Variants in ANKRD36C observed in about 807,000 individuals in gnomAD.
ANKRD36C encodes the protein ankyrin repeat domain-containing protein 36C.
Under a neutral mutation model 276.4 loss-of-function variants are expected in ANKRD36C, and 61 were observed. That is an observed-to-expected ratio of 0.22 (90% CI 0.18 to 0.27). ANKRD36C has a LOEUF of 0.27. ANKRD36C is among the 10% of genes least tolerant of loss of function. The pLI, the probability that ANKRD36C is intolerant of heterozygous loss-of-function variation, is 1.00. For missense variants in ANKRD36C, 1,447 were observed against 2,032.3 expected (o/e 0.71, Z 5.54); for synonymous variants, 483 against 680.1 (o/e 0.71, Z 4.51).
At position 95,929,055 on chromosome 2, in the gene ANKRD36C, G is replaced by A. The variant is rs548621229; in HGVS notation, c.1837+17C>T. ...ATCTTGATTGAACATGACATTAGAA[G>A]TGTTTTGCAAAATTACCTGTCCCAG... On this transcript the variant is annotated intron_variant, in intron 26 of 66. Coordinates refer to ENST00000456556, the Ensembl canonical transcript of ANKRD36C. The A allele has an allele frequency of 1.0e-3, 1,615 of 1,601,918 alleles. 37 individuals carry two copies. The South Asian group carries it at 0.017, about 16-fold the overall frequency.
intron 10 of ANKRD36C, among the ~76,000 whole-genome samples, 184 bp from the exon 11 acceptor site, chr2:95,958,969 T>G (rs1678393606): frequency 6.6e-6 from 1 of 152,278 alleles, no homozygotes; most frequent in Non-Finnish European, 1.5e-5. Context: ...AGAAGTATAG[T>G]CTTCACGCAA....
intron 42 of ANKRD36C, among the ~76,000 whole-genome samples, chr2:95,911,326 T>C (rs1364523960): frequency 6.6e-6 from 1 of 151,490 alleles, no homozygotes; most frequent in East Asian, 2.0e-4. Flanking sequence ...TAGATATTAA[T>C]AAGTTTTACA....
chr2:95,897,190 C>G, intron 44 of ANKRD36C, 80 bp downstream of exon 60: 1 of 1,148,898 alleles, frequency 8.7e-7, no homozygotes, highest in Non-Finnish European at 1.2e-6. Context: ...CTTCAACGAG[C>G]CCCCCGCTGA....
intron 61 of ANKRD36C, 74 bp from the exon 82 acceptor site, chr2:95,857,566 C>G: frequency 6.9e-7 from 1 of 1,455,808 alleles, no homozygotes; most frequent in Non-Finnish European, 9.2e-7. Context: ...TACCCAAATT[C>G]CTACCTAAGG....
chr2:95,880,980 G>A (rs1676065690), intron 56 of ANKRD36C, among the ~76,000 whole-genome samples: 1 of 152,202 alleles, frequency 6.6e-6, no homozygotes, highest in African/African-American at 2.4e-5. Context: ...GGTGCTAACT[G>A]CGACTGCATG....
chr2:95,983,430 A>G (rs1395931973), intron 3 of ANKRD36C, among the ~76,000 whole-genome samples: 2 of 151,514 alleles, frequency 1.3e-5, no homozygotes, highest in Non-Finnish European at 2.9e-5. Context: ...AAATTTATTT[A>G]TATTCTAGTT....
rs1199354038 is a variant in ANKRD36C, at chr2:95,913,167, G to C, written c.2552-732C>G. On this transcript the variant is annotated intron_variant, in intron 40 of 66. Coordinates refer to ENST00000456556, the Ensembl canonical transcript of ANKRD36C. ...CAACTTTGACATGCTTCTACAAAGT[G>C]AAATGGCTACAAGCATTAGATATTA... is the stretch of plus-strand genomic sequence containing the variant. 5.2e-3 allele frequency among the ~76,000 whole-genome samples: 774 copies of C among 149,458 alleles called. 8 individuals carry two copies. The highest frequency in any genetic ancestry group is 0.016 in the African/African-American group (670 of 40,700).
intron 66 of ANKRD36C, among the ~76,000 whole-genome samples, chr2:95,851,435 C>A (rs556892395): frequency 6.6e-6 from 1 of 152,214 alleles, no homozygotes; most frequent in South Asian, 2.1e-4. Context: ...AACTTTCTTA[C>A]CTGCAAAAAA....
chr2:95,919,501 T>C lies in ANKRD36C; in HGVS notation c.2246-1459A>G, dbSNP rs1277384135. On this transcript the variant is annotated intron_variant, in intron 34 of 66. Coordinates refer to ENST00000456556, the Ensembl canonical transcript of ANKRD36C. ...CTTGAACTGCTCTCCCTATTTCTTC[T>C]TCCCAATTTCAATGTGGGAAAGTGT... Among the ~76,000 whole-genome samples the C allele has an allele frequency of 1.5e-5, 2 of 132,978 alleles. 1 individual carries two copies. The highest frequency in any genetic ancestry group is 3.3e-5 in the Non-Finnish European group (2 of 59,716). The allele number at this position is 132,978 out of a possible 152,430, so 87.2% of individuals were successfully genotyped here. A position where few individuals can be genotyped will look rare whatever the true frequency, so the allele number is the denominator to read the frequency against.
intron 60 of ANKRD36C, among the ~76,000 whole-genome samples, chr2:95,860,470 T>C (rs1352300219): frequency 2.0e-5 from 3 of 152,228 alleles, no homozygotes; most frequent in Non-Finnish European, 4.4e-5. Flanking sequence ...CAAAGCACTC[T>C]GGCTAGTTTG....
At chr2:95,956,462 T>C (rs1678329314) in intron 13 of ANKRD36C, among the ~76,000 whole-genome samples, 2 of 152,234 alleles carry the variant, frequency 1.3e-5, no homozygotes, top group African/African-American at 4.8e-5. Context: ...CATTGCTGCA[T>C]AGGTCTGTAT....
intron 19 of ANKRD36C, among the ~76,000 whole-genome samples, chr2:95,944,048 A>C (rs1322895472): frequency 6.6e-6 from 1 of 152,184 alleles, no homozygotes; most frequent in Admixed American, 6.6e-5. Context: ...ATTTTCTTCC[A>C]ATACTTTATT....
rs199556073 is a variant in ANKRD36C at position 95,949,021 on chromosome 2, G to A, written c.1296-425C>T. 6.6e-4 allele frequency among the ~76,000 whole-genome samples: 99 copies of A among 150,610 alleles called. No homozygotes were observed. In the South Asian group the frequency reaches 0.011, roughly 17 times the overall value. ...ACCTAAAACAAGGTAGAAAAGGCAC[G>A]GTCTCTTCTCCATTATCTATTTCTG... On this transcript the variant is annotated intron_variant, in intron 16 of 66. Coordinates refer to ENST00000456556, the Ensembl canonical transcript of ANKRD36C.
chr2:95,981,720 G>T (rs1361432709), intron 4 of ANKRD36C, among the ~76,000 whole-genome samples: 1 of 151,596 alleles, frequency 6.6e-6, no homozygotes, highest in Admixed American at 6.6e-5. Context: ...TGTTACCAAG[G>T]TCACACATCT....
chr2:95,866,557 A>G (rs1298366248), intron 60 of ANKRD36C, among the ~76,000 whole-genome samples: 2 of 152,136 alleles, frequency 1.3e-5, no homozygotes, highest in Non-Finnish European at 2.9e-5. Context: ...CATTAGGATC[A>G]TGTACATTAA....
intron 59 of ANKRD36C, among the ~76,000 whole-genome samples, chr2:95,868,254 T>C (rs1245928824): frequency 1.3e-4 from 20 of 151,886 alleles, no homozygotes; most frequent in African/African-American, 2.4e-5. Flanking sequence ...GTATTGGTTT[T>C]GTACTGTTTG....
At chr2:95,988,847 G>T (rs1336746854) in intron 1 of ANKRD36C, among the ~76,000 whole-genome samples, 5 of 151,918 alleles carry the variant, frequency 3.3e-5, no homozygotes, top group Non-Finnish European at 7.4e-5. Flanking sequence ...GAGGCTAAAA[G>T]TTCACAGAAT....
chr2:95,893,245 G>T (rs1377300139), intron 44 of ANKRD36C, among the ~76,000 whole-genome samples: 1 of 151,144 alleles, frequency 6.6e-6, no homozygotes, highest in African/African-American at 2.4e-5. Flanking sequence ...AAACAAGCTG[G>T]AGAATTAAAG....
intron 19 of ANKRD36C, among the ~76,000 whole-genome samples, chr2:95,942,184 G>A (rs1677912214): frequency 6.6e-6 from 1 of 152,310 alleles, no homozygotes; most frequent in South Asian, 2.1e-4. Flanking sequence ...ATGTTGTTGA[G>A]AAGGTCAACA....
Sources: allele counts gnomAD v4.1 joint callset (sites outside exome capture counted in the v4.1 genomes callset), GRCh38; gene constraint gnomAD v4.1.1; transcripts MANE v1.5; gene names NCBI Gene and HGNC (gene_info 2026-07-23, HGNC 2026-07-21).